SCAMP4: variants seen among roughly 807,000 people sequenced by gnomAD.
The protein encoded by SCAMP4 is secretory carrier-associated membrane protein 4.
A neutral mutation model predicts 32.1 loss-of-function variants in SCAMP4; 19 were observed. The ratio of observed to expected loss-of-function variants is 0.59; its 90% CI spans 0.41 to 0.87. SCAMP4 has a LOEUF of 0.87. Among genes scored for constraint, SCAMP4 ranks in the 40% least tolerant of loss-of-function variants. The pLI is 0.00. For missense variants in SCAMP4, 302 were observed against 309.0 expected, an observed-to-expected ratio of 0.98 and a Z score of 0.17; for synonymous variants, 152 against 132.7, an observed-to-expected ratio of 1.15 and a Z score of -1.00.
chr19:1,917,578 A>G (rs1450266490), intron 2 of SCAMP4, 116 bp from the exon 3 acceptor site: 2 of 1,159,424 alleles, frequency 1.7e-6, no homozygotes, highest in Non-Finnish European at 2.5e-6. Flanking sequence ...CCTCAATCCC[A>G]ACTGCAGAGT....
intron 1 of SCAMP4, 142 bp from the exon 2 acceptor site, chr19:1,914,837 C>T: frequency 1.5e-6 from 1 of 684,410 alleles, no homozygotes; most frequent in Non-Finnish European, 2.6e-6. Flanking sequence ...TGGGTCGAGT[C>T]AGGCCTGTGG....
chr19:1,912,269 C>T, intron 1 of SCAMP4: 1 of 1,593,112 alleles, frequency 6.3e-7, no homozygotes. Flanking sequence ...AGACCTCACG[C>T]CTCCTGAAGG....
intron 1 of SCAMP4, chr19:1,912,570 G>T (rs766963716): frequency 4.7e-6 from 7 of 1,497,624 alleles, no homozygotes; most frequent in Non-Finnish European, 6.2e-6. Context: ...GGTGACCAGC[G>T]CCCTGGCTGG....
intron 5 of SCAMP4, chr19:1,919,243 G>A (rs900787496): frequency 4.4e-6 from 6 of 1,351,916 alleles, no homozygotes; most frequent in Non-Finnish European, 5.7e-6. Context: ...GGCAGTGCCT[G>A]CGTCCTCGCC....
In SCAMP4 at chr19:1,918,952, C is replaced by T. The variant is rs1436574182; in HGVS notation, c.357C>T (p.Thr119=). The T allele has an allele frequency of 1.6e-5, 26 of 1,612,424 alleles. No homozygotes were observed. The highest frequency in any genetic ancestry group is 2.1e-5 in the Non-Finnish European group (25 of 1,179,262). Residue 119 remains threonine, a synonymous_variant, in exon 5 of 7, where the codon ACC becomes ACT. Transcript: ENST00000316097. ...TCTTCGGAGCCCAGTTTGTCCTGAC[C>T]GTCATCCAGGCGATTGGCTTCTCCG... ...FFIFGAQFVL[T]VIQAIGFSGW...
rs1219273192 is a variant in SCAMP4 at position 1,925,433 on chromosome 19, C to T, written c.*1149C>T. ...TTTTATGAGAGGGGACCCGTCAAAT[C>T]TGTGCCTTATGGAGGGGTCCGGCAG... On this transcript the variant is annotated 3_prime_UTR_variant, in exon 7 of 7. Coordinates refer to ENST00000316097, the MANE Select transcript of SCAMP4 (RefSeq NM_079834.4). The T allele has an allele frequency of 6.5e-6, 1 of 152,712 alleles. No individual in the cohort carries two copies. The highest frequency in any genetic ancestry group is 1.9e-4 in the East Asian group (1 of 5,194). 9.5% of individuals were successfully genotyped at this position (152,712 alleles called of 1,614,324 possible).
In SCAMP4 at chr19:1,917,823, G is replaced by T; in HGVS notation, c.136+1G>T. Reference sequence around the variant, plus strand: ...AAGAGGATCTACCGGCTGTGGATGTGTGAGTGCGCCTGGGGGCAGGAGGCG... The same window carrying T: ...AAGAGGATCTACCGGCTGTGGATGTTTGAGTGCGCCTGGGGGCAGGAGGCG... On this transcript the variant is annotated splice_donor_variant, in intron 3 of 6. Transcript: ENST00000316097. LOFTEE classifies it high-confidence loss of function. 6.2e-7 allele frequency: 1 copy of T among 1,613,930 alleles called. No individual in the cohort carries two copies. Among genetic ancestry groups the T allele is most frequent in the Non-Finnish European group, 8.5e-7 (1 of 1,179,902 alleles).
At chr19:1,913,259 G>C in intron 1 of SCAMP4, 1 of 1,412,126 alleles carries the variant, frequency 7.1e-7, no homozygotes, top group Non-Finnish European at 9.4e-7. Flanking sequence ...GGATTTCAGG[G>C]ACACATACCG....
chr19:1,912,596 G>C (rs1216991983), intron 1 of SCAMP4: 1 of 1,489,130 alleles, frequency 6.7e-7, no homozygotes, highest in African/African-American at 1.5e-5. Context: ...TCTTCTCCAC[G>C]CAGGAGCGCG....
rs890556098 is a variant in SCAMP4 at position 1,912,666 on chromosome 19, G to A, written c.-41-2313G>A. 7.0e-6 allele frequency: 10 copies of A among 1,437,052 alleles called. No homozygotes were observed. In the African/African-American group the frequency reaches 1.5e-4, roughly 22 times the overall value. 89.0% of individuals were successfully genotyped at this position (1,437,052 alleles called of 1,614,324 possible). On this transcript the variant is annotated intron_variant, in intron 1 of 6. Transcript: ENST00000316097. ...GGCGGCCCGGCGGGCAGCAGCGCGG[G>A]GCTTGCGGGCCGTGGGGGCCGTGGT...
intron 2 of SCAMP4, chr19:1,915,610 T>C (rs1440450436): frequency 6.3e-6 from 1 of 158,618 alleles, no homozygotes; most frequent in African/African-American, 2.4e-5. Context: ...GATAAAGTAC[T>C]GGAGCAGGGC....
chr19:1,915,325 G>A, intron 2 of SCAMP4: 1 of 503,098 alleles, frequency 2.0e-6, no homozygotes, highest in Non-Finnish European at 3.6e-6. Flanking sequence ...GTTCTCATGT[G>A]CCCCGGGGTC....
At chr19:1,923,393 C>T (rs916574408) in intron 6 of SCAMP4, among the ~76,000 whole-genome samples, 1 of 152,160 alleles carries the variant, frequency 6.6e-6, no homozygotes, top group African/African-American at 2.4e-5. Flanking sequence ...GCCTGGGTTC[C>T]TATGGGGCCA....
intron 1 of SCAMP4, chr19:1,906,129 GC>G (rs2013101154): frequency 1.3e-5 from 2 of 152,256 alleles, no homozygotes; most frequent in African/African-American, 4.8e-5. Context: ...GGAGGCCAAG[GC>G]GAGTGGATCA....
At chr19:1,922,719 G>C (rs117872905) in intron 5 of SCAMP4, 5 of 1,000,828 alleles carry the variant, frequency 5.0e-6, no homozygotes, top group Non-Finnish European at 5.9e-6. Context: ...GCTGGTGCCC[G>C]CCGGACTCAC....
At position 1,908,781 on chromosome 19, in the gene SCAMP4, A is replaced by G; in HGVS notation, c.-42+3342A>G. On this transcript the variant is annotated intron_variant, in intron 1 of 6. Transcript: ENST00000316097. The surrounding 1 kb of genome is among the most constrained non-coding windows in gnomAD (Gnocchi z 4.2). ...CCTGAGTAGCTGGGACTACATGTGCACACCACCGTGCCCAACTAATTTATA... is the reference window on the plus strand; with the variant it reads ...CCTGAGTAGCTGGGACTACATGTGCGCACCACCGTGCCCAACTAATTTATA... The G allele has an allele frequency of 2.8e-6, 1 of 351,836 alleles. No homozygotes were observed. The highest frequency in any genetic ancestry group is 5.6e-6 in the Non-Finnish European group (1 of 179,692). The allele number at this position is 351,836 out of a possible 1,614,324, so 21.8% of individuals were successfully genotyped here. A position where few individuals can be genotyped will look rare whatever the true frequency, so the allele number is the denominator to read the frequency against.
At chr19:1,917,565 T>C in intron 2 of SCAMP4, 129 bp from the exon 3 acceptor site, 1 of 980,254 alleles carries the variant, frequency 1.0e-6, no homozygotes, top group Non-Finnish European at 1.5e-6. Context: ...CTCAGCGTCC[T>C]GCCCTCAATC....
In SCAMP4 at chr19:1,921,925, C is replaced by CG. The variant is rs556808390; in HGVS notation, c.396-1139dup. The CG allele has an allele frequency of 2.1e-3, 2,025 of 985,468 alleles. 1 individual carries two copies. The highest frequency in any genetic ancestry group is 4.2e-3 in the Admixed American group (68 of 16,278). The allele number at this position is 985,468 out of a possible 1,614,324, so 61.0% of individuals were successfully genotyped here. On this transcript the variant is annotated intron_variant, in intron 5 of 6. Transcript: ENST00000316097. ...AGGCCAGCATCTTGCAGGGACGCGG[C>CG]GGGGGGTACCGCGTGTGCGTGCATA...
chr19:1,913,045 T>C (rs113371893), intron 1 of SCAMP4: 1 of 1,603,582 alleles, frequency 6.2e-7, no homozygotes, highest in East Asian at 2.2e-5. Flanking sequence ...GACGGCGCCC[T>C]GGGCACCCGC....
Sources: gnomAD v4.1 joint callset for allele counts (sites outside exome capture counted in the v4.1 genomes callset) on GRCh38, gnomAD v4.1.1 for gene constraint, Gnocchi (gnomAD v3.1) non-coding constraint, MANE v1.5 for transcripts, NCBI Gene and HGNC (gene_info 2026-07-23, HGNC 2026-07-21) for gene names.